The following ANKS1A variants were observed in gnomAD, a reference collection of about 807,000 sequenced individuals.
The protein encoded by ANKS1A is ankyrin repeat and sterile alpha motif domain containing 1A.
A neutral mutation model predicts 120.3 loss-of-function variants in ANKS1A; 55 were observed. The ratio of observed to expected loss-of-function variants is 0.46; its 90% CI spans 0.37 to 0.57. The LOEUF (loss-of-function observed/expected upper bound fraction) is 0.57. Ranked by LOEUF, ANKS1A falls within the 20% of genes least tolerant of loss-of-function variation. ANKS1A has a pLI of 0.00. For missense variants in ANKS1A, 1,123 were observed against 1,480.3 expected, an observed-to-expected ratio of 0.76 and a Z score of 3.96; for synonymous variants, 590 against 604.7, an observed-to-expected ratio of 0.98 and a Z score of 0.36.
Position 35,085,301 on chromosome 6 carries a change from G to C in ANKS1A, c.3133-465G>C, listed in dbSNP as rs927914808. 1.3e-5 allele frequency among the ~76,000 whole-genome samples: 2 copies of C among 152,178 alleles called. No individual in the cohort carries two copies. Reference sequence around the variant, plus strand: ...ACTTTTCCCACATACACTCAGTTCTGCTGTAACGCCACACATACGCTCCTA... The same window carrying C: ...ACTTTTCCCACATACACTCAGTTCTCCTGTAACGCCACACATACGCTCCTA... On this transcript the variant is annotated intron_variant, in intron 21 of 23. Coordinates refer to ENST00000360359, the MANE Select transcript of ANKS1A (RefSeq NM_015245.3). The surrounding 1 kb of genome is among the most constrained non-coding windows in gnomAD (Gnocchi z 4.7).
intron 3 of ANKS1A, among the ~76,000 whole-genome samples, chr6:34,976,031 G>A (rs781321386): frequency 6.7e-6 from 1 of 149,964 alleles, no homozygotes; most frequent in Non-Finnish European, 1.5e-5. Flanking sequence ...CCAGGTACTC[G>A]GGAGGCTGAG....
Position 35,086,643 on chromosome 6 carries a change from C to T in ANKS1A, c.3304-309C>T, listed in dbSNP as rs553269367. Among the ~76,000 whole-genome samples the T allele has an allele frequency of 1.5e-4, 23 of 152,232 alleles. No homozygotes were observed. The highest frequency in any genetic ancestry group is 3.4e-3 in the Middle Eastern group (1 of 294). On this transcript the variant is annotated intron_variant, in intron 22 of 23. Coordinates refer to ENST00000360359, the MANE Select transcript of ANKS1A (RefSeq NM_015245.3). This position sits in a 1 kb window ranked among gnomAD's most constrained non-coding sequence, Gnocchi z 5.1. Reference sequence around the variant, plus strand: ...GCTGGACATTTGCAAGCCCCATATCCCCTTCCTGCCCAGTGTGAGTGGGTC... The same window carrying T: ...GCTGGACATTTGCAAGCCCCATATCTCCTTCCTGCCCAGTGTGAGTGGGTC...
intron 12 of ANKS1A, among the ~76,000 whole-genome samples, chr6:35,055,517 A>G (rs1469961640): frequency 6.6e-6 from 1 of 151,994 alleles, no homozygotes; most frequent in East Asian, 1.9e-4. Flanking sequence ...TTTAGTAGAG[A>G]TGGGGTTTCA....
intron 10 of ANKS1A, among the ~76,000 whole-genome samples, chr6:35,004,106 G>A (rs958565115): frequency 4.6e-5 from 7 of 152,002 alleles, no homozygotes; most frequent in African/African-American, 1.2e-4. Flanking sequence ...CCCCTGTCAC[G>A]TACCCCTGTT....
At chr6:35,034,617 G>T (rs964669791) in intron 11 of ANKS1A, among the ~76,000 whole-genome samples, 1 of 152,202 alleles carries the variant, frequency 6.6e-6, no homozygotes, top group Non-Finnish European at 1.5e-5. Context: ...TTAATTAAAA[G>T]ATATTTTTAA....
At chr6:34,975,432 C>T (rs905335739) in intron 3 of ANKS1A, among the ~76,000 whole-genome samples, 21 of 140,888 alleles carry the variant, frequency 1.5e-4, no homozygotes, top group African/African-American at 2.3e-4. Context: ...CCAGCCTGGG[C>T]AACAGAGTGA....
intron 1 of ANKS1A, among the ~76,000 whole-genome samples, chr6:34,939,760 A>C (rs1343760881): frequency 6.6e-6 from 1 of 152,200 alleles, no homozygotes; most frequent in Non-Finnish European, 1.5e-5. Context: ...AGGAGACTTA[A>C]TGCTTTTCAT....
At chr6:35,013,356 A>G (rs1187194550) in intron 10 of ANKS1A, among the ~76,000 whole-genome samples, 1 of 152,068 alleles carries the variant, frequency 6.6e-6, no homozygotes, top group Non-Finnish European at 1.5e-5. Context: ...GTGCAGTGGC[A>G]TGATCACAGC....
intron 3 of ANKS1A, among the ~76,000 whole-genome samples, chr6:34,976,576 A>T (rs747396325): frequency 2.6e-5 from 4 of 152,172 alleles, no homozygotes; most frequent in Non-Finnish European, 1.5e-5. Flanking sequence ...TTGGAATTTT[A>T]TCTAGACCAG....
chr6:35,078,756 C>T, intron 14 of ANKS1A, 100 bp downstream of exon 14: 2 of 1,143,044 alleles, frequency 1.7e-6, no homozygotes, highest in South Asian at 1.3e-5. Flanking sequence ...GGCTCCAGCA[C>T]ACGCACATCA....
intron 1 of ANKS1A, among the ~76,000 whole-genome samples, chr6:34,890,350 A>G (rs965993835): frequency 6.6e-6 from 1 of 152,194 alleles, no homozygotes; most frequent in African/African-American, 2.4e-5. Context: ...TCGGCTTCCC[A>G]AAGTGCTGGG....
chr6:34,962,987 G>C (rs989965816), intron 1 of ANKS1A, among the ~76,000 whole-genome samples: 11 of 150,452 alleles, frequency 7.3e-5, no homozygotes, highest in African/African-American at 2.7e-4. Context: ...TCAGCCTCCC[G>C]AGTAGCTGGG....
chr6:35,012,221 G>T (rs187273183), intron 10 of ANKS1A, among the ~76,000 whole-genome samples: 118 of 152,310 alleles, frequency 7.7e-4, no homozygotes, highest in African/African-American at 2.7e-3. Flanking sequence ...CACGGGGCTG[G>T]AACTAAAACA....
Position 35,060,054 on chromosome 6 carries a change from T to C in ANKS1A, c.2078-93T>C. Reference sequence around the variant, plus strand: ...GGCTGTTTGATGGTAATGACTATGATGTGGCAATGCCATCTATCTTCCTCT... The same window carrying C: ...GGCTGTTTGATGGTAATGACTATGACGTGGCAATGCCATCTATCTTCCTCT... On this transcript the variant is annotated intron_variant, in intron 12 of 23. Transcript: ENST00000360359. This position sits in a 1 kb window ranked among gnomAD's most constrained non-coding sequence, Gnocchi z 4.5. 1.0e-6 allele frequency: 1 copy of C among 963,766 alleles called. No individual in the cohort carries two copies. The highest frequency in any genetic ancestry group is 1.4e-5 in the South Asian group (1 of 69,960). The allele number at this position is 963,766 out of a possible 1,614,324, so 59.7% of individuals were successfully genotyped here.
intron 1 of ANKS1A, among the ~76,000 whole-genome samples, chr6:34,891,088 C>T (rs1284538913): frequency 6.6e-6 from 1 of 152,158 alleles, no homozygotes; most frequent in African/African-American, 2.4e-5. Flanking sequence ...AGAACAGAGA[C>T]ATCATTTAGG....
In ANKS1A at chr6:34,927,740, G is replaced by A. The variant is rs533707440; in HGVS notation, c.197+38141G>A. Among the ~76,000 whole-genome samples the A allele has an allele frequency of 3.4e-4, 52 of 152,276 alleles. No homozygotes were observed. In the South Asian group the frequency reaches 9.5e-3, roughly 28 times the overall value. ...ATTTGATGACTGATGGAGGTGCAAG[G>A]GAGACAAGTGCAAGGTGACCTGAGC... On this transcript the variant is annotated intron_variant, in intron 1 of 23. Coordinates refer to ENST00000360359, the MANE Select transcript of ANKS1A (RefSeq NM_015245.3).
At chr6:35,034,540 C>T (rs1340516068) in intron 11 of ANKS1A, among the ~76,000 whole-genome samples, 1 of 152,154 alleles carries the variant, frequency 6.6e-6, no homozygotes, top group Non-Finnish European at 1.5e-5. Context: ...CTGGGGAGCA[C>T]CATGTACCCT....
rs768532365 is a variant in ANKS1A, at chr6:35,083,429, C to G, written c.2920C>G (p.His974Asp). 6 of 1,614,034 alleles carry G rather than the reference C, an allele frequency of 3.7e-6. No individual in the cohort carries two copies. Among genetic ancestry groups the G allele is most frequent in the Non-Finnish European group, 5.1e-6 (6 of 1,179,960 alleles). Residue 974 changes from histidine (H) to aspartate (D), a missense_variant, in exon 20 of 24, where the codon CAC becomes GAC. Physicochemically the swap from His to Asp is moderately conservative, Grantham distance 81. Coordinates refer to ENST00000360359, the MANE Select transcript of ANKS1A (RefSeq NM_015245.3). ...ACAKMRKSTE[H>D]MKKIPTIILS... is the part of the protein sequence containing the mutation. ...TTGTTTCCTGTAGAAATCTACGGAG[C>G]ACATGAAGAAGATCCCCACCATCAT...
At position 34,963,627 on chromosome 6, in the gene ANKS1A, A is replaced by C. The variant is rs549442912; in HGVS notation, c.198-3612A>C. Among the ~76,000 whole-genome samples, 4 of 152,342 alleles carry C rather than the reference A, an allele frequency of 2.6e-5. 1 individual carries two copies. The South Asian group carries it at 8.3e-4, about 32-fold the overall frequency. On this transcript the variant is annotated intron_variant, in intron 1 of 23. Coordinates refer to ENST00000360359, the MANE Select transcript of ANKS1A (RefSeq NM_015245.3). ...CATATACTGATTTTATTCCGTTTGG[A>C]TATACCCAGTAGTACAATTGCTGGT...
Sources: allele counts gnomAD v4.1 joint callset (sites outside exome capture counted in the v4.1 genomes callset), GRCh38; gene constraint gnomAD v4.1.1; non-coding constraint Gnocchi (gnomAD v3.1); transcripts MANE v1.5; gene names NCBI Gene and HGNC (gene_info 2026-07-23, HGNC 2026-07-21).